TAF1A: variants seen among roughly 807,000 people sequenced by gnomAD.
TAF1A encodes TATA box-binding protein-associated factor RNA polymerase I subunit A.
Under a neutral mutation model 61.6 loss-of-function variants are expected in TAF1A, and 42 were observed. The ratio of observed to expected loss-of-function variants is 0.68; its 90% CI spans 0.53 to 0.88. The LOEUF is 0.88. Among genes scored for constraint, TAF1A ranks in the 40% least tolerant of loss-of-function variants. The probability of loss-of-function intolerance (pLI) is 0.00; values close to 1 mark genes in which losing one functional copy is unlikely to be tolerated. For missense variants in TAF1A, 424 were observed against 518.7 expected, an observed-to-expected ratio of 0.82 and a Z score of 1.77; for synonymous variants, 179 against 177.7, an observed-to-expected ratio of 1.01 and a Z score of -0.06.
chr1:222,579,548 A>T (rs1021237594), intron 4 of TAF1A, among the ~76,000 whole-genome samples: 3 of 152,176 alleles, frequency 2.0e-5, no homozygotes, highest in Non-Finnish European at 4.4e-5. Flanking sequence ...ATACAAAGAA[A>T]AGGAATTTTT....
chr1:222,560,621 T>C lies in TAF1A; in HGVS notation c.1240+743A>G, dbSNP rs142978694. ...ATTTTTATTTTCTTCTTAATCAACA[T>C]TGTATTACATTCACTGAGACTACTA... is the stretch of plus-strand genomic sequence containing the variant. On this transcript the variant is annotated intron_variant, in intron 10 of 10. Transcript: ENST00000352967. Among the ~76,000 whole-genome samples, 589 of 152,326 alleles carry C rather than the reference T, an allele frequency of 3.9e-3. 3 individuals carry two copies. The highest frequency in any genetic ancestry group is 0.013 in the African/African-American group (538 of 41,576).
downstream of TAF1A, among the ~76,000 whole-genome samples, chr1:222,555,191 G>T (rs143692325): frequency 2.5e-3 from 382 of 152,252 alleles, 1 homozygote; most frequent in African/African-American, 8.8e-3. Context: ...TGCTGTTGGG[G>T]ATGTAAATTA....
intron 5 of TAF1A, among the ~76,000 whole-genome samples, chr1:222,573,819 T>C (rs1660456167): frequency 6.6e-6 from 1 of 152,184 alleles, no homozygotes; most frequent in Non-Finnish European, 1.5e-5. Context: ...GCAATGTTAT[T>C]CAAAATAGGC....
downstream of TAF1A, among the ~76,000 whole-genome samples, chr1:222,556,747 ATTTCT>A (rs1195680570): frequency 3.3e-5 from 5 of 152,206 alleles, no homozygotes; most frequent in Non-Finnish European, 7.3e-5. Flanking sequence ...AAAACTACTC[ATTTCT>A]TTTATTCTCA....
downstream of TAF1A, among the ~76,000 whole-genome samples, chr1:222,557,077 A>G (rs541546055): frequency 2.0e-5 from 3 of 150,356 alleles, no homozygotes; most frequent in African/African-American, 7.3e-5. Context: ...TTGACAAAGC[A>G]CAATTTGCCC....
Position 222,563,240 on chromosome 1 carries a change from C to CA in TAF1A, c.1017dup (p.Ala340CysfsTer5), listed in dbSNP as rs1283248049. ...GCAGTTATATTCTTAGTGCATCCGGCAAAATCTAAGACTCCAAATAATACC... is the reference window on the plus strand; with the variant it reads ...GCAGTTATATTCTTAGTGCATCCGGCAAAAATCTAAGACTCCAAATAATACC... On this transcript the variant is annotated frameshift_variant, in exon 9 of 11. Transcript: ENST00000352967. LOFTEE classifies it high-confidence loss of function. 1 of 1,612,828 alleles carries CA rather than the reference C, an allele frequency of 6.2e-7. No individual in the cohort carries two copies. The highest frequency in any genetic ancestry group is 8.5e-7 in the Non-Finnish European group (1 of 1,179,490).
chr1:222,586,960 A>C (rs1303884075), intron 2 of TAF1A, among the ~76,000 whole-genome samples: 1 of 152,258 alleles, frequency 6.6e-6, no homozygotes, highest in East Asian at 1.9e-4. Flanking sequence ...ATTCCTAAGC[A>C]TGTAAATTTT....
At chr1:222,564,894 A>G (rs1356405253) in intron 7 of TAF1A, among the ~76,000 whole-genome samples, 3 of 152,192 alleles carry the variant, frequency 2.0e-5, no homozygotes, top group Non-Finnish European at 4.4e-5. Context: ...ATACACCAAT[A>G]TCAGAGAATA....
At chr1:222,555,820 G>A (rs552138772), downstream of TAF1A, among the ~76,000 whole-genome samples, 1 of 152,230 alleles carries the variant, frequency 6.6e-6, no homozygotes, top group Admixed American at 6.5e-5. Context: ...ACATCAGGTT[G>A]TACATCCTAA....
intron 9 of TAF1A, 121 bp downstream of exon 9, chr1:222,563,052 C>G (rs1050877228): frequency 4.1e-6 from 4 of 966,342 alleles, no homozygotes; most frequent in East Asian, 2.6e-5. Flanking sequence ...CAGAAAACAG[C>G]TGAAGACACA....
intron 9 of TAF1A, among the ~76,000 whole-genome samples, chr1:222,562,108 C>T (rs571004269): frequency 2.0e-5 from 3 of 152,218 alleles, no homozygotes; most frequent in East Asian, 1.9e-4. Flanking sequence ...ATATGTTAAA[C>T]TGTTAAGTGC....
chr1:222,554,452 T>G (rs1254446613), downstream of TAF1A, among the ~76,000 whole-genome samples: 2 of 152,232 alleles, frequency 1.3e-5, no homozygotes, highest in African/African-American at 4.8e-5. Flanking sequence ...GTTAGTCATA[T>G]TATTTGTAGA....
At chr1:222,561,572 T>C (rs1480236051) in intron 9 of TAF1A, 54 bp from the exon 10 acceptor site, 1 of 1,494,244 alleles carries the variant, frequency 6.7e-7, no homozygotes, top group African/African-American at 1.4e-5. Flanking sequence ...AAATCTATAT[T>C]ATCAGAATTT....
In TAF1A at chr1:222,589,800, C is replaced by A; in HGVS notation, c.-76G>T. 2.8e-6 allele frequency: 1 copy of A among 350,980 alleles called. No individual in the cohort carries two copies. The highest frequency in any genetic ancestry group is 5.1e-6 in the Non-Finnish European group (1 of 195,922). The allele number at this position is 350,980 out of a possible 1,614,324, so 21.7% of individuals were successfully genotyped here. ...CCGGCCCACGTGAAGAAATTCCCACCGGAAGACGAGTTAGGAGAGCTTTAT... is the reference window on the plus strand; with the variant it reads ...CCGGCCCACGTGAAGAAATTCCCACAGGAAGACGAGTTAGGAGAGCTTTAT... On this transcript the variant is annotated 5_prime_UTR_variant, in exon 1 of 11. Coordinates refer to ENST00000352967, the MANE Select transcript of TAF1A (RefSeq NM_005681.4).
chr1:222,559,456 CAAAT>C (rs1322037123), intron 10 of TAF1A, among the ~76,000 whole-genome samples: 1 of 152,096 alleles, frequency 6.6e-6, no homozygotes, highest in Non-Finnish European at 1.5e-5. Flanking sequence ...ATATTTCAGA[CAAAT>C]GAATCATATT....
At position 222,558,686 on chromosome 1, in the gene TAF1A, A is replaced by AT. The variant is rs1320743536; in HGVS notation, c.1326dup (p.Tyr443IlefsTer23). 7.6e-6 allele frequency: 12 copies of AT among 1,571,282 alleles called. No individual in the cohort carries two copies. The highest frequency in any genetic ancestry group is 1.2e-5 in the South Asian group (1 of 83,696). On this transcript the variant is annotated frameshift_variant, in exon 11 of 11. Coordinates refer to ENST00000352967, the MANE Select transcript of TAF1A (RefSeq NM_005681.4). LOFTEE classifies it high-confidence loss of function. ...CAGAGTCTTGGATTTACAATACTGT[A>AT]TTTTTTCACAGATCTCTTCATCCGC...
rs116220753 is a variant in TAF1A at position 222,579,922 on chromosome 1, A to G, written c.292-50T>C. On this transcript the variant is annotated intron_variant, in intron 3 of 10. Transcript: ENST00000352967. ...AAATGTAAAATTTTTGCCTTAACCA[A>G]TTTCTGTCTAAGATATTGTTTTCCT... The G allele has an allele frequency of 1.2e-4, 194 of 1,575,024 alleles. No homozygotes were observed. The African/African-American group carries it at 2.5e-3, about 20-fold the overall frequency.
chr1:222,558,837 T>G, intron 10 of TAF1A, 65 bp from the exon 11 acceptor site: 2 of 761,696 alleles, frequency 2.6e-6, no homozygotes, highest in Non-Finnish European at 4.0e-6. Context: ...ATTTCTACAT[T>G]TTAAAAATTC....
intron 9 of TAF1A, 152 bp downstream of exon 9, chr1:222,563,021 T>C (rs1659975777): frequency 1.3e-6 from 1 of 759,918 alleles, no homozygotes; most frequent in Non-Finnish European, 2.1e-6. Flanking sequence ...TGTATTTCTT[T>C]GCTTCAGAAG....
Sources: allele counts gnomAD v4.1 joint callset (sites outside exome capture counted in the v4.1 genomes callset), GRCh38; gene constraint gnomAD v4.1.1; transcripts MANE v1.5; gene names NCBI Gene and HGNC (gene_info 2026-07-23, HGNC 2026-07-21).